SKIC3: variants seen among roughly 807,000 people sequenced by gnomAD.
SKIC3 encodes SKI3 subunit of superkiller complex, also known as superkiller complex protein 3.
chr5:95,518,438 A>G, the SKIC3 span, among the ~76,000 whole-genome samples: 6 of 152,088 alleles, frequency 3.9e-5, no homozygotes, highest in African/African-American at 1.4e-4. Flanking sequence ...GTCCTTTAAC[A>G]AGTATTACCC....
At chr5:95,469,896 A>T in the SKIC3 span, 1 of 1,614,158 alleles carries the variant, frequency 6.2e-7, no homozygotes, top group Non-Finnish European at 8.5e-7. Flanking sequence ...GCCAGTGATC[A>T]TTGGAAATGT....
chr5:95,467,923 A>G, the SKIC3 span: 2 of 1,613,668 alleles, frequency 1.2e-6, no homozygotes, highest in Non-Finnish European at 1.7e-6. Flanking sequence ...ACCAACGTGC[A>G]GTTGATGCAA....
the SKIC3 span, among the ~76,000 whole-genome samples, chr5:95,488,217 G>A: frequency 1.3e-5 from 2 of 151,980 alleles, no homozygotes; most frequent in African/African-American, 4.8e-5. Flanking sequence ...CAGTGTCCTA[G>A]AAGGCAAAAA....
chr5:95,470,975 AAAGTC>A, the SKIC3 span, among the ~76,000 whole-genome samples: 1 of 152,214 alleles, frequency 6.6e-6, no homozygotes, highest in African/African-American at 2.4e-5. Flanking sequence ...GTATTTTAAT[AAAGTC>A]AATATAGTGA....
chr5:95,464,512 T>C, the SKIC3 span: 9 of 962,928 alleles, frequency 9.3e-6, no homozygotes, highest in African/African-American at 6.6e-5. Flanking sequence ...GGAATAAATA[T>C]AGTTTAAAAA....
the SKIC3 span, chr5:95,517,142 T>C: frequency 4.3e-6 from 7 of 1,613,328 alleles, no homozygotes; most frequent in Non-Finnish European, 5.9e-6. Context: ...TCTTTGCAAA[T>C]TACCTTCCTC....
chr5:95,536,918 T>G, the SKIC3 span: 7 of 1,613,540 alleles, frequency 4.3e-6, no homozygotes, highest in Non-Finnish European at 5.9e-6. Context: ...AGCAGACTCA[T>G]GAGGAAACTT....
the SKIC3 span, among the ~76,000 whole-genome samples, chr5:95,540,989 G>A: frequency 4.8e-3 from 728 of 151,850 alleles, 3 homozygotes; most frequent in African/African-American, 0.016. Flanking sequence ...TTTTTGAGAC[G>A]GAGTTTTGCT....
chr5:95,466,010 T>G, the SKIC3 span, among the ~76,000 whole-genome samples: 1 of 152,230 alleles, frequency 6.6e-6, no homozygotes, highest in South Asian at 2.1e-4. Context: ...AATGCCTTTC[T>G]CCAAGCATTC....
the SKIC3 span, among the ~76,000 whole-genome samples, chr5:95,500,920 G>A: frequency 6.6e-6 from 1 of 152,048 alleles, no homozygotes; most frequent in East Asian, 1.9e-4. Context: ...TAAAAGTTTT[G>A]TACTTCATTT....
At chr5:95,528,229 T>C in the SKIC3 span, 237 of 1,560,402 alleles carry the variant, frequency 1.5e-4, no homozygotes, top group Non-Finnish European at 1.9e-4. Context: ...GGATGACATA[T>C]AATAAATTGC....
the SKIC3 span, chr5:95,520,778 T>C: frequency 8.1e-5 from 131 of 1,612,204 alleles, no homozygotes; most frequent in Non-Finnish European, 1.1e-4. Context: ...GATAATCAAC[T>C]AGAGCTGCTT....
chr5:95,498,336 A>G, the SKIC3 span: 1 of 1,581,008 alleles, frequency 6.3e-7, no homozygotes, highest in Non-Finnish European at 8.7e-7. Flanking sequence ...TATCAAGTAT[A>G]ATTAGGTTCC....
At chr5:95,499,362 T>C in the SKIC3 span, among the ~76,000 whole-genome samples, 2 of 152,282 alleles carry the variant, frequency 1.3e-5, no homozygotes. Context: ...GCTCTGGCCA[T>C]GTAAAACATG....
At chr5:95,475,550 C>G in the SKIC3 span, among the ~76,000 whole-genome samples, 3 of 152,180 alleles carry the variant, frequency 2.0e-5, no homozygotes, top group Non-Finnish European at 2.9e-5. Context: ...GCTTACTGTA[C>G]AGCCTGTGGA....
At chr5:95,469,189 T>C in the SKIC3 span, among the ~76,000 whole-genome samples, 3 of 152,226 alleles carry the variant, frequency 2.0e-5, no homozygotes, top group East Asian at 5.8e-4. Flanking sequence ...ATTAAAGTAT[T>C]CTTGCCTGTA....
the SKIC3 span, chr5:95,525,723 C>G: frequency 6.4e-7 from 1 of 1,551,464 alleles, no homozygotes; most frequent in Non-Finnish European, 8.9e-7. Context: ...AACACAACCA[C>G]AGCAATGTTT....
the SKIC3 span, chr5:95,478,449 A>T: frequency 6.2e-7 from 1 of 1,613,818 alleles, no homozygotes; most frequent in Non-Finnish European, 8.5e-7. Flanking sequence ...GCCACTAAGA[A>T]ACAAAAAAGG....
chr5:95,525,553 T>C, the SKIC3 span: 1 of 1,613,854 alleles, frequency 6.2e-7, no homozygotes, highest in Admixed American at 1.7e-5. Context: ...TGCTTTTAAC[T>C]CAAAAAATGC....
Sources: gnomAD v4.1 joint callset for allele counts (sites outside exome capture counted in the v4.1 genomes callset) on GRCh38, gnomAD v4.1.1 for gene constraint, MANE v1.5 for transcripts, NCBI Gene and HGNC (gene_info 2026-07-23, HGNC 2026-07-21) for gene names.